The following TRPM3 variants were observed in gnomAD, a reference collection of about 807,000 sequenced individuals.
The protein encoded by TRPM3 is transient receptor potential cation channel subfamily M member 3.
A neutral mutation model predicts 181.2 loss-of-function variants in TRPM3; 77 were observed. The observed-to-expected ratio is 0.42, with a 90% confidence interval of 0.35 to 0.51. TRPM3 has a LOEUF of 0.51. Among genes scored for constraint, TRPM3 ranks in the 20% least tolerant of loss-of-function variants. The probability of loss-of-function intolerance (pLI) is 0.01; values close to 1 mark genes in which losing one functional copy is unlikely to be tolerated. For missense variants in TRPM3, 1,759 were observed against 2,196.7 expected (o/e 0.80, Z 3.98); for synonymous variants, 745 against 796.4 (o/e 0.94, Z 1.09).
rs2080189022 is a variant in TRPM3 at position 71,220,763 on chromosome 9, CAA to C, written c.183+225888_183+225889del. Among the ~76,000 whole-genome samples, 5 of 152,088 alleles carry C rather than the reference CAA, an allele frequency of 3.3e-5. No individual in the cohort carries two copies. In the South Asian group the frequency reaches 1.0e-3, roughly 32 times the overall value. On this transcript the variant is annotated intron_variant, in intron 1 of 24. Transcript: ENST00000357533. ...AGAGAATATGTGCACCTGACAGATA[CAA>C]AGTCTACACACGAAAATACCTGACC...
At chr9:71,336,310 T>C (rs2090553589) in intron 1 of TRPM3, among the ~76,000 whole-genome samples, 2 of 151,558 alleles carry the variant, frequency 1.3e-5, no homozygotes, top group South Asian at 4.2e-4. Flanking sequence ...CACACAACAA[T>C]AATAGTCAAA....
intron 1 of TRPM3, among the ~76,000 whole-genome samples, chr9:71,033,552 CAAGTAA>C (rs57889876): frequency 0.054 from 8,178 of 151,976 alleles, 754 homozygotes; most frequent in African/African-American, 0.19. Context: ...TTAATAAAAA[CAAGTAA>C]GAGTATTATT....
intron 1 of TRPM3, among the ~76,000 whole-genome samples, chr9:71,187,076 A>G (rs1325015740): frequency 6.6e-6 from 1 of 152,036 alleles, no homozygotes; most frequent in African/African-American, 2.4e-5. Context: ...TTTGATACCA[A>G]CAATGAACTC....
chr9:71,367,400 A>T (rs2092369494), intron 1 of TRPM3, among the ~76,000 whole-genome samples: 1 of 152,198 alleles, frequency 6.6e-6, no homozygotes, highest in African/African-American at 2.4e-5. Context: ...TCCATTTTGT[A>T]GTTAAGGAAA....
intron 1 of TRPM3, among the ~76,000 whole-genome samples, chr9:71,363,694 A>G (rs1276573948): frequency 2.0e-5 from 3 of 152,150 alleles, no homozygotes; most frequent in Non-Finnish European, 4.4e-5. Flanking sequence ...GCTTATACGC[A>G]CTGCACTTCC....
At chr9:71,242,411 A>C (rs1016046396) in intron 1 of TRPM3, among the ~76,000 whole-genome samples, 2 of 152,206 alleles carry the variant, frequency 1.3e-5, no homozygotes, top group Admixed American at 1.3e-4. Context: ...ACCGGATTAG[A>C]TGGTGAAAAC....
At chr9:70,888,492 T>C (rs1446809335) in intron 1 of TRPM3, among the ~76,000 whole-genome samples, 2 of 151,924 alleles carry the variant, frequency 1.3e-5, no homozygotes, top group African/African-American at 4.8e-5. Context: ...TCAGAAAAGT[T>C]TACTATTTTT....
chr9:71,244,655 C>T (rs1388649570), intron 1 of TRPM3, among the ~76,000 whole-genome samples: 1 of 152,174 alleles, frequency 6.6e-6, no homozygotes, highest in African/African-American at 2.4e-5. Context: ...TTATTAAGAT[C>T]CATTCAAACA....
At chr9:70,865,744 G>A (rs1233636832) in intron 1 of TRPM3, among the ~76,000 whole-genome samples, 4 of 152,018 alleles carry the variant, frequency 2.6e-5, no homozygotes, top group Non-Finnish European at 4.4e-5. Context: ...CCTAATACTC[G>A]TGACAGTGCA....
chr9:70,906,928 T>C (rs569424104), intron 1 of TRPM3, among the ~76,000 whole-genome samples: 1 of 151,834 alleles, frequency 6.6e-6, no homozygotes, highest in East Asian at 1.9e-4. Context: ...AAATAAAAAA[T>C]AAAGTCCAGA....
intron 9 of TRPM3, among the ~76,000 whole-genome samples, chr9:70,643,034 C>A (rs2058294884): frequency 6.6e-6 from 1 of 152,130 alleles, no homozygotes; most frequent in Non-Finnish European, 1.5e-5. Flanking sequence ...GGCTTATTAT[C>A]GACCACATAC....
chr9:71,139,735 A>G (rs2074984731), intron 1 of TRPM3, among the ~76,000 whole-genome samples: 1 of 152,200 alleles, frequency 6.6e-6, no homozygotes, highest in African/African-American at 2.4e-5. Flanking sequence ...CTAAGAAATA[A>G]TAATAATCCT....
chr9:70,575,765 G>C (rs1005941915), intron 22 of TRPM3, among the ~76,000 whole-genome samples: 4 of 152,202 alleles, frequency 2.6e-5, no homozygotes, highest in Non-Finnish European at 4.4e-5. Context: ...CGCAGGGTTA[G>C]TAGAGATGAC....
At chr9:71,084,583 T>C (rs2064964718) in intron 1 of TRPM3, among the ~76,000 whole-genome samples, 1 of 151,996 alleles carries the variant, frequency 6.6e-6, no homozygotes, top group South Asian at 2.1e-4. Flanking sequence ...GAAAGATCTC[T>C]ACAAGAAGAA....
intron 1 of TRPM3, among the ~76,000 whole-genome samples, chr9:71,093,896 C>T (rs2066669570): frequency 6.6e-6 from 1 of 152,016 alleles, no homozygotes; most frequent in Non-Finnish European, 1.5e-5. Context: ...CCATGGGATC[C>T]TATGCAGCCA....
intron 7 of TRPM3, among the ~76,000 whole-genome samples, chr9:70,783,045 G>T (rs923339765): frequency 6.6e-6 from 1 of 152,136 alleles, no homozygotes; most frequent in Non-Finnish European, 1.5e-5. Flanking sequence ...GTACGAGAGG[G>T]ATGGAGGAGG....
In TRPM3 at chr9:70,584,644, C is replaced by G. The variant is rs571795118; in HGVS notation, c.3223+6387G>C. Among the ~76,000 whole-genome samples, 5 of 152,350 alleles carry G rather than the reference C, an allele frequency of 3.3e-5. No homozygotes were observed. The South Asian group carries it at 1.0e-3, about 32-fold the overall frequency. On this transcript the variant is annotated intron_variant, in intron 22 of 25. Coordinates refer to ENST00000677713, the MANE Select transcript of TRPM3 (RefSeq NM_001366145.2). The stretch of plus-strand genomic sequence containing the variant: ...ATTTACTATTGCCTGACCACAACAT[C>G]GTATAATCACGGCCTTCAGGACCTT...
intron 1 of TRPM3, among the ~76,000 whole-genome samples, chr9:71,149,987 C>T (rs1272968948): frequency 1.3e-5 from 2 of 151,604 alleles, no homozygotes; most frequent in Non-Finnish European, 2.9e-5. Flanking sequence ...TATATATAAA[C>T]ATATAAATAA....
At chr9:71,417,647 T>C (rs2093656572) in intron 1 of TRPM3, among the ~76,000 whole-genome samples, 1 of 151,996 alleles carries the variant, frequency 6.6e-6, no homozygotes, top group African/African-American at 2.4e-5. Flanking sequence ...GAAACATATC[T>C]GAGAAAGGTA....
Sources: allele counts gnomAD v4.1 joint callset (sites outside exome capture counted in the v4.1 genomes callset), GRCh38; gene constraint gnomAD v4.1.1; transcripts MANE v1.5; gene names NCBI Gene and HGNC (gene_info 2026-07-23, HGNC 2026-07-21).